The following ACAD8 variants were observed in gnomAD, a reference collection of about 807,000 sequenced individuals.
The protein encoded by ACAD8 is acyl-CoA dehydrogenase family member 8.
In ACAD8, 47 loss-of-function variants were observed where a neutral mutation model predicts 53.1. The observed-to-expected ratio is 0.89, with a 90% CI of 0.70 to 1.13. The LOEUF (loss-of-function observed/expected upper bound fraction) is 1.13, where lower values mean the gene tolerates loss of function less well. Ranked by LOEUF, ACAD8 falls within the 50% of genes most tolerant of loss-of-function variation. ACAD8 has a pLI of 0.00. For synonymous variants in ACAD8, 198 were observed against 201.3 expected (o/e 0.98, Z 0.14); for missense variants, 494 against 535.0 (o/e 0.92, Z 0.76).
intron 4 of ACAD8, 35 bp downstream of exon 4, chr11:134,258,659 G>A (rs573818576): frequency 3.7e-5 from 54 of 1,445,276 alleles, no homozygotes; most frequent in African/African-American, 2.6e-4. Flanking sequence ...ATATAGCAGG[G>A]AGAGATGCTT....
Position 134,258,569 on chromosome 11 carries a change from T to G in ACAD8, c.435T>G (p.Phe145Leu). The part of the protein sequence containing the change: ...SFGNEEQRHK[F>L]CPPLCTMEKF... ...GAAATGAGGAACAGAGGCACAAATT[T>G]TGCCCACCGCTCTGTACCATGGAGA... The change falls in exon 4 of 11, where the codon TTT becomes TTG. Residue 145 changes from phenylalanine (F) to leucine (L), a missense_variant. Coordinates refer to ENST00000281182, the MANE Select transcript of ACAD8 (RefSeq NM_014384.3). 1 of 1,614,082 alleles carries G rather than the reference T, an allele frequency of 6.2e-7. No individual in the cohort carries two copies. Among genetic ancestry groups the G allele is most frequent in the South Asian group, 1.1e-5 (1 of 91,058 alleles).
intron 6 of ACAD8, chr11:134,260,668 A>C (rs1939823119): frequency 2.9e-6 from 1 of 348,422 alleles, no homozygotes; most frequent in African/African-American, 2.1e-5. Flanking sequence ...AAATGATGTA[A>C]AGGCAGTCTA....
intron 1 of ACAD8, among the ~76,000 whole-genome samples, chr11:134,255,871 A>G (rs1939499377): frequency 6.6e-6 from 1 of 152,162 alleles, no homozygotes; most frequent in African/African-American, 2.4e-5. Flanking sequence ...ATTATTGCCA[A>G]GTGTGGCGCC....
In ACAD8 at chr11:134,253,712, A is replaced by C. The variant is rs1425965894; in HGVS notation, c.109+3A>C. On this transcript the variant is annotated splice_donor_region_variant and intron_variant, in intron 1 of 10. Coordinates refer to ENST00000281182, the MANE Select transcript of ACAD8 (RefSeq NM_014384.3). The stretch of plus-strand genomic sequence containing the variant: ...GAGCTTGACCTCCTGCATCGACCGT[A>C]AGGATCTCCTGGCGGGCAGTAGGAC... 1 of 1,592,948 alleles carries C rather than the reference A, an allele frequency of 6.3e-7. No individual in the cohort carries two copies. Among genetic ancestry groups the C allele is most frequent in the African/African-American group, 1.3e-5 (1 of 74,560 alleles).
In ACAD8 at chr11:134,264,897, C is replaced by G; in HGVS notation, c.1196-11C>G. Reference sequence around the variant, plus strand: ...TGCTGTGAAATTCTTCCTCCTTCCTCCCTCTTACAGGTAGCAATGAAGTGA... The same window carrying G: ...TGCTGTGAAATTCTTCCTCCTTCCTGCCTCTTACAGGTAGCAATGAAGTGA... On this transcript the variant is annotated splice_polypyrimidine_tract_variant and intron_variant, in intron 10 of 10. Transcript: ENST00000281182. 1 of 1,613,910 alleles carries G rather than the reference C, an allele frequency of 6.2e-7. No homozygotes were observed. Among genetic ancestry groups the G allele is most frequent in the Non-Finnish European group, 8.5e-7 (1 of 1,179,754 alleles).
At chr11:134,259,158 A>G (rs1170425024) in intron 5 of ACAD8, 74 bp downstream of exon 5, 1 of 1,369,648 alleles carries the variant, frequency 7.3e-7, no homozygotes, top group South Asian at 1.2e-5. Flanking sequence ...TGGTTCCTTC[A>G]CATCCGCGGG....
chr11:134,256,989 C>T, intron 2 of ACAD8, 99 bp from the exon 3 acceptor site: 1 of 1,237,776 alleles, frequency 8.1e-7, no homozygotes, highest in Non-Finnish European at 1.2e-6. Context: ...AATTCATACG[C>T]TGTCGCATGT....
rs200005205 is a variant in ACAD8, at chr11:134,257,085, T to C, written c.211-3T>C. The C allele has an allele frequency of 9.3e-6, 15 of 1,613,972 alleles. No individual in the cohort carries two copies. The highest frequency in any genetic ancestry group is 1.7e-5 in the Admixed American group (1 of 59,990). ...TGATCACCCTGCTCTCTTTTGTACA[T>C]AGGAGCTGTTCCCAGTGGATGTGAT... On this transcript the variant is annotated splice_polypyrimidine_tract_variant and splice_region_variant and intron_variant, in intron 2 of 10. Transcript: ENST00000281182.
rs1193815689 is a variant in ACAD8 at position 134,265,308 on chromosome 11, TC to T, written c.*351del. On this transcript the variant is annotated 3_prime_UTR_variant, in exon 11 of 11. Transcript: ENST00000281182. ...GTCTGCATTTTACTAGTTCACTGGATCCCTCCTCTAGGGGCCTGGGGACTTT... is the reference window on the plus strand; with the variant it reads ...GTCTGCATTTTACTAGTTCACTGGATCCTCCTCTAGGGGCCTGGGGACTTT... 3.3e-6 allele frequency: 1 copy of T among 300,156 alleles called. No individual in the cohort carries two copies. The highest frequency in any genetic ancestry group is 6.3e-6 in the Non-Finnish European group (1 of 158,946). 18.6% of individuals were successfully genotyped at this position (300,156 alleles called of 1,614,324 possible).
At chr11:134,260,542 A>G in intron 6 of ACAD8, 1 of 212,348 alleles carries the variant, frequency 4.7e-6, no homozygotes, top group Non-Finnish European at 9.6e-6. Context: ...TTGGTAACAC[A>G]GCAACCATTT....
intron 10 of ACAD8, chr11:134,263,733 C>T: frequency 1.0e-6 from 1 of 985,440 alleles, no homozygotes; most frequent in Non-Finnish European, 1.2e-6. Flanking sequence ...TCTCTCCACC[C>T]TGCAATAATA....
intron 3 of ACAD8, 21 bp downstream of exon 3, chr11:134,257,278 G>A: frequency 6.2e-7 from 1 of 1,613,852 alleles, no homozygotes; most frequent in Non-Finnish European, 8.5e-7. Context: ...AAGCTTGGAA[G>A]GCACAATGAA....
chr11:134,260,843 A>G, intron 6 of ACAD8: 1 of 616,292 alleles, frequency 1.6e-6, no homozygotes, highest in East Asian at 2.8e-5. Flanking sequence ...TTAATAAGTT[A>G]GAAAATGTTT....
At chr11:134,255,239 C>T (rs1939445048) in intron 1 of ACAD8, among the ~76,000 whole-genome samples, 1 of 152,198 alleles carries the variant, frequency 6.6e-6, no homozygotes, top group South Asian at 2.1e-4. Flanking sequence ...CGGGTTCAAG[C>T]AATTCTTGTG....
At chr11:134,262,415 TG>T in intron 9 of ACAD8, 104 bp from the exon 10 acceptor site, 1 of 751,960 alleles carries the variant, frequency 1.3e-6, no homozygotes. Context: ...GGTTCTTTCA[TG>T]GGTTTATGGC....
intron 10 of ACAD8, 68 bp from the exon 11 acceptor site, chr11:134,264,839 TG>T: frequency 7.1e-7 from 1 of 1,404,556 alleles, no homozygotes; most frequent in Non-Finnish European, 1.0e-6. Flanking sequence ...TGGAGCAGCC[TG>T]GTCAGAGCTT....
At chr11:134,263,928 G>A (rs1043915286) in intron 10 of ACAD8, 2 of 985,350 alleles carry the variant, frequency 2.0e-6, no homozygotes, top group Non-Finnish European at 2.4e-6. Context: ...TGCATTAAAG[G>A]CCACTGCTAA....
rs1269435407 is a variant in ACAD8, at chr11:134,253,644, G to C, written c.44G>C (p.Cys15Ser). The C allele has an allele frequency of 6.3e-7, 1 of 1,591,484 alleles. No individual in the cohort carries two copies. The highest frequency in any genetic ancestry group is 1.3e-5 in the African/African-American group (1 of 74,510). The change falls in exon 1 of 11, where the codon TGC becomes TCC. Residue 15 changes from cysteine (C) to serine (S), a missense_variant. Cys to Ser is a moderately radical substitution (Grantham distance 112). Coordinates refer to ENST00000281182, the MANE Select transcript of ACAD8 (RefSeq NM_014384.3). ...CGGCGTTTCGGGGCGCGCCTCGGCTGCCTGCCCGGCGGTCTCCGGGTCCTC... is the reference window on the plus strand; with the variant it reads ...CGGCGTTTCGGGGCGCGCCTCGGCTCCCTGCCCGGCGGTCTCCGGGTCCTC... ...GCRRFGARLG[C>S]LPGGLRVLVQ...
intron 4 of ACAD8, 40 bp from the exon 5 acceptor site, chr11:134,258,968 T>A: frequency 6.4e-7 from 1 of 1,559,084 alleles, no homozygotes; most frequent in Non-Finnish European, 8.8e-7. Flanking sequence ...CCTCACTGAC[T>A]TTCTCACCTT....
Sources: gnomAD v4.1 joint callset for allele counts (sites outside exome capture counted in the v4.1 genomes callset) on GRCh38, gnomAD v4.1.1 for gene constraint, MANE v1.5 for transcripts, NCBI Gene and HGNC (gene_info 2026-07-23, HGNC 2026-07-21) for gene names.